The following NEB variants were observed in gnomAD, a reference collection of about 807,000 sequenced individuals.
NEB encodes the protein nebulin.
NEB carries 512 observed loss-of-function variants against 952.2 expected under a neutral mutation model. The ratio of observed to expected loss-of-function variants is 0.54; its 90% CI spans 0.50 to 0.58. The LOEUF (loss-of-function observed/expected upper bound fraction) is 0.58, where lower values mean the gene tolerates loss of function less well. NEB is among the 20% of genes least tolerant of loss of function. The pLI is 0.00. For synonymous variants in NEB, 2,900 were observed against 3,149.8 expected (o/e 0.92, Z 2.66); for missense variants, 8,428 against 9,231.1 (o/e 0.91, Z 3.56).
intron 47 of NEB, among the ~76,000 whole-genome samples, 154 bp from the exon 48 acceptor site, chr2:151,658,244 T>C (rs1172001922): frequency 6.6e-6 from 1 of 151,928 alleles, no homozygotes; most frequent in African/African-American, 2.4e-5. Flanking sequence ...ACAAGTAACA[T>C]AACTGTGTTT....
intron 169 of NEB, 55 bp from the exon 170 acceptor site, chr2:151,498,407 C>T: frequency 2.2e-6 from 3 of 1,339,212 alleles, no homozygotes; most frequent in South Asian, 2.7e-5. Context: ...GTCATTTTCC[C>T]CCTGCTTTGG....
chr2:151,494,016 A>T (rs748358612), intron 174 of NEB, 145 bp downstream of exon 174: 7 of 873,698 alleles, frequency 8.0e-6, no homozygotes, highest in Non-Finnish European at 1.1e-5. Flanking sequence ...GTTAATGGCT[A>T]CAGTAAATGT....
chr2:151,733,057 T>C (rs2099812807), intron 3 of NEB, 64 bp downstream of exon 3: 1 of 1,440,270 alleles, frequency 6.9e-7, no homozygotes, highest in African/African-American at 1.4e-5. Flanking sequence ...TTAATTCACC[T>C]ACACAGCTTT....
At position 151,559,250 on chromosome 2, in the gene NEB, C is replaced by CA. The variant is rs1290493552; in HGVS notation, c.19314+1341dup. Among the ~76,000 whole-genome samples the CA allele has an allele frequency of 2.6e-5, 4 of 152,218 alleles. No homozygotes were observed. The East Asian group carries it at 7.7e-4, about 29-fold the overall frequency. On this transcript the variant is annotated intron_variant, in intron 124 of 181. Transcript: ENST00000397345. Reference sequence around the variant, plus strand: ...TCAAAACCACAATGAGATACCATCTCACGCCAGTTAGAATGGTGATCATTA... The same window carrying CA: ...TCAAAACCACAATGAGATACCATCTCAACGCCAGTTAGAATGGTGATCATTA...
In NEB at chr2:151,727,937, T is replaced by C. The variant is rs375186536; in HGVS notation, c.79-31A>G. On this transcript the variant is annotated intron_variant, in intron 4 of 181. Transcript: ENST00000397345. ...AATTTGATATGCAGTTCAACATTGT[T>C]GTGAAAGTAAAAACTGTGCTACTGT... The C allele has an allele frequency of 7.0e-6, 11 of 1,561,958 alleles. No individual in the cohort carries two copies. The African/African-American group carries it at 1.2e-4, about 17-fold the overall frequency.
rs376904705 is a variant in NEB at position 151,531,448 on chromosome 2, C to G, written c.21522+344G>C. ...TGTCACGCCTCAGCCTCCTGAGTAG[C>G]TGGGACCACAGGCATGCACCACTGC... On this transcript the variant is annotated intron_variant, in intron 144 of 181. Transcript: ENST00000397345. 8.6e-5 allele frequency among the ~76,000 whole-genome samples: 13 copies of G among 151,294 alleles called. No individual in the cohort carries two copies. In the East Asian group the frequency reaches 1.4e-3, roughly 16 times the overall value.
At chr2:151,687,227 C>T (rs1336000093) in intron 27 of NEB, among the ~76,000 whole-genome samples, 192 bp downstream of exon 27, 1 of 152,086 alleles carries the variant, frequency 6.6e-6, no homozygotes, top group Non-Finnish European at 1.5e-5. Flanking sequence ...AAGTACAAAT[C>T]AGTAATTTCT....
chr2:151,537,976 T>A lies in NEB; in HGVS notation c.20998A>T (p.Ile7000Leu), dbSNP rs1223818025. The change falls in exon 140 of 182, where the codon ATA (isoleucine) becomes TTA (leucine). Residue 7000 changes from isoleucine to leucine, a missense_variant and splice_region_variant. Ile to Leu is a conservative substitution (Grantham distance 5). Coordinates refer to ENST00000397345, the MANE Select transcript of NEB (RefSeq NM_001164508.2). ...CTCATGTAGTTCTCCTTGTATTTTA[T>A]CTGTTATAAAAAACACAAAGACAGC... is the stretch of plus-strand genomic sequence containing the variant. ...HRKVTDDISK[I>L]KYKENYMSQL... 1 of 1,611,402 alleles carries A rather than the reference T, an allele frequency of 6.2e-7. No homozygotes were observed. Among genetic ancestry groups the A allele is most frequent in the African/African-American group, 1.3e-5 (1 of 74,988 alleles).
intron 120 of NEB, 83 bp from the exon 121 acceptor site, chr2:151,562,297 G>T (rs2096116838): frequency 8.3e-7 from 1 of 1,211,490 alleles, no homozygotes; most frequent in Non-Finnish European, 1.2e-6. Flanking sequence ...TCAGCTGTTG[G>T]CTGTGCTTAT....
chr2:151,644,318 G>T (rs1408498408), intron 56 of NEB, 150 bp downstream of exon 56: 3 of 1,037,176 alleles, frequency 2.9e-6, no homozygotes, highest in Non-Finnish European at 4.2e-6. Flanking sequence ...ATGCATCCTT[G>T]ATCTTATCCT....
chr2:151,518,000 C>A (rs1018451830), intron 156 of NEB, among the ~76,000 whole-genome samples: 1 of 152,156 alleles, frequency 6.6e-6, no homozygotes, highest in Non-Finnish European at 1.5e-5. Flanking sequence ...CTATAATCTA[C>A]TGTAGTGTTC....
At chr2:151,697,039 C>T (rs1032783707) in intron 16 of NEB, 109 bp downstream of exon 16, 12 of 785,760 alleles carry the variant, frequency 1.5e-5, no homozygotes, top group East Asian at 5.3e-5. Flanking sequence ...TCATTTCTTG[C>T]GATTGCCTGG....
At chr2:151,495,652 A>G (rs566977223) in intron 173 of NEB, among the ~76,000 whole-genome samples, 6 of 152,104 alleles carry the variant, frequency 3.9e-5, no homozygotes, top group Non-Finnish European at 5.9e-5. Flanking sequence ...GTTAAAGACT[A>G]CAGTAAAACT....
At position 151,501,392 on chromosome 2, in the gene NEB, G is replaced by A. The variant is rs763365852; in HGVS notation, c.24020C>T (p.Ser8007Leu). The A allele has an allele frequency of 7.3e-5, 112 of 1,543,148 alleles. No homozygotes were observed. The highest frequency in any genetic ancestry group is 6.2e-4 in the South Asian group (52 of 83,376). Residue 8007 changes from serine (S) to leucine (L), a missense_variant and splice_region_variant, in exon 168 of 182, where the codon TCG becomes TTG. Ser to Leu is a moderately radical substitution (Grantham distance 145, BLOSUM62 -2). This residue lies in a region of NEB where 3,374 missense variants were observed against 3,651.5 expected (regional missense o/e 0.92). Transcript: ENST00000397345. ...GTTAAAGAGCTTTCTCCCAAATACC[G>A]AGCTAAAGTTTTCTTGATTGAGTTT... is the stretch of plus-strand genomic sequence containing the variant. Reference protein sequence around the residue: ...RVKLNQENFSSVLYKENVGKG... With the variant: ...RVKLNQENFSLVLYKENVGKG...
chr2:151,606,009 G>T (rs1450093653), intron 84 of NEB, among the ~76,000 whole-genome samples: 1 of 98,104 alleles, frequency 1.0e-5, no homozygotes, highest in African/African-American at 2.7e-5. Flanking sequence ...TAGTAGAGAT[G>T]AGGTTTTACC....
chr2:151,634,099 C>T, intron 64 of NEB, 134 bp from the exon 65 acceptor site: 1 of 1,067,122 alleles, frequency 9.4e-7, no homozygotes, highest in Non-Finnish European at 1.3e-6. Context: ...AGTATCCTGG[C>T]TTTCATCCTG....
chr2:151,488,157 A>G (rs1026816694), intron 181 of NEB, among the ~76,000 whole-genome samples: 3 of 152,142 alleles, frequency 2.0e-5, no homozygotes, highest in Non-Finnish European at 4.4e-5. Context: ...GGAATAATTT[A>G]TCAGTGAATT....
intron 81 of NEB, among the ~76,000 whole-genome samples, chr2:151,608,988 T>C (rs977495282): frequency 7.6e-6 from 1 of 132,218 alleles, no homozygotes. Context: ...AGAAGCAAGG[T>C]GCAGGCCTTC....
At position 151,613,652 on chromosome 2, in the gene NEB, T is replaced by A. The variant is rs903229354; in HGVS notation, c.11601+624A>T. ...TCTCATGTTGAATTGTAATCCTCAA[T>A]GTTGGAGGAGGGGCCTGGTGGGAGG... On this transcript the variant is annotated intron_variant, in intron 77 of 181. Coordinates refer to ENST00000397345, the MANE Select transcript of NEB (RefSeq NM_001164508.2). Among the ~76,000 whole-genome samples, 15 of 152,196 alleles carry A rather than the reference T, an allele frequency of 9.9e-5. 1 individual carries two copies.
Sources: allele counts gnomAD v4.1 joint callset (sites outside exome capture counted in the v4.1 genomes callset), GRCh38; gene constraint gnomAD v4.1.1; regional missense constraint gnomAD v4.1.1; transcripts MANE v1.5; gene names NCBI Gene and HGNC (gene_info 2026-07-23, HGNC 2026-07-21).